Variants in TSGA10 observed in about 807,000 individuals in gnomAD.
TSGA10 encodes testis specific 10, also known as testis-specific gene 10 protein.
Under a neutral mutation model 96.6 loss-of-function variants are expected in TSGA10, and 43 were observed. The ratio of observed to expected loss-of-function variants is 0.44; its 90% CI spans 0.35 to 0.57. The LOEUF is 0.57. Ranked by LOEUF, TSGA10 falls within the 20% of genes least tolerant of loss-of-function variation. The probability of loss-of-function intolerance (pLI) is 0.01; values close to 1 mark genes in which losing one functional copy is unlikely to be tolerated. For missense variants in TSGA10, 703 were observed against 834.4 expected (o/e 0.84, Z 1.94); for synonymous variants, 229 against 269.9 (o/e 0.85, Z 1.48).
chr2:99,047,103 T>G (rs1243924374), intron 16 of TSGA10, among the ~76,000 whole-genome samples: 1 of 152,042 alleles, frequency 6.6e-6, no homozygotes, highest in Non-Finnish European at 1.5e-5. Flanking sequence ...TCAAAAAAAG[T>G]CCAGGACCAG....
intron 5 of TSGA10, 36 bp from the exon 6 acceptor site, chr2:99,109,548 T>C (rs934965304): frequency 1.5e-5 from 22 of 1,450,346 alleles, no homozygotes; most frequent in East Asian, 9.6e-5. Context: ...TTTCAGTATC[T>C]AAAATTATCT....
chr2:99,001,805 C>G (rs1191094988), intron 20 of TSGA10, among the ~76,000 whole-genome samples: 10 of 152,106 alleles, frequency 6.6e-5, no homozygotes. Context: ...CCTGACGGAG[C>G]TAAAAACCAT....
chr2:99,042,235 G>A (rs2082264923), intron 16 of TSGA10, among the ~76,000 whole-genome samples: 1 of 152,102 alleles, frequency 6.6e-6, no homozygotes, highest in African/African-American at 2.4e-5. Context: ...CACAGCCTTT[G>A]TGAGCCAAGA....
intron 1 of TSGA10, among the ~76,000 whole-genome samples, chr2:99,148,681 A>C (rs369564128): frequency 6.6e-5 from 10 of 152,314 alleles, no homozygotes; most frequent in African/African-American, 2.4e-4. Context: ...CATTCTAAAA[A>C]GTGGGTGAGG....
At chr2:99,096,122 A>C (rs1015226385) in intron 10 of TSGA10, among the ~76,000 whole-genome samples, 4 of 152,228 alleles carry the variant, frequency 2.6e-5, no homozygotes, top group African/African-American at 9.6e-5. Flanking sequence ...GTCATTTATA[A>C]GTGTATAGCA....
chr2:99,006,596 T>C (rs1289242618), intron 20 of TSGA10, among the ~76,000 whole-genome samples: 3 of 152,158 alleles, frequency 2.0e-5, no homozygotes, highest in Non-Finnish European at 2.9e-5. Flanking sequence ...CACAATGAGA[T>C]ACCATCTCAC....
intron 11 of TSGA10, among the ~76,000 whole-genome samples, chr2:99,080,938 C>T (rs1379528950): frequency 6.6e-6 from 1 of 151,998 alleles, no homozygotes; most frequent in East Asian, 1.9e-4. Flanking sequence ...CACTTTCCAC[C>T]AAAAGTAATA....
intron 16 of TSGA10, among the ~76,000 whole-genome samples, chr2:99,040,499 TA>T (rs1390919262): frequency 1.3e-5 from 2 of 152,028 alleles, no homozygotes; most frequent in African/African-American, 4.8e-5. Context: ...CAACTCCTTT[TA>T]CAATAGCAAA....
At chr2:99,074,165 ACCATGCC>A (rs755203725) in intron 12 of TSGA10, among the ~76,000 whole-genome samples, 20 of 151,506 alleles carry the variant, frequency 1.3e-4, no homozygotes, top group Non-Finnish European at 2.5e-4. Context: ...GGCATGCGCC[ACCATGCC>A]CAGCTAATTT....
In TSGA10 at chr2:99,065,118, C is replaced by T; in HGVS notation, c.1225G>A (p.Glu409Lys). 1 of 1,611,024 alleles carries T rather than the reference C, an allele frequency of 6.2e-7. No individual in the cohort carries two copies. Among genetic ancestry groups the T allele is most frequent in the Non-Finnish European group, 8.5e-7 (1 of 1,179,244 alleles). Residue 409 changes from glutamate to lysine, a missense_variant, in exon 16 of 21, where the codon GAG (glutamate) becomes AAG (lysine). By Grantham distance (56) the Glu-to-Lys change is moderately conservative (BLOSUM62 1). This residue lies in a region of TSGA10 where 585 missense variants were observed against 656.8 expected (regional missense o/e 0.89). Transcript: ENST00000393483. ...LKNILKSEESENRQMMEQLRK... is the reference protein window; with the variant it reads ...LKNILKSEESKNRQMMEQLRK... ...AGTTGTTCCATCATTTGCCGGTTCT[C>T]AGATTCCTGAAAAGCAAACTTTAGC...
chr2:99,142,462 G>A (rs941026515), intron 1 of TSGA10: 1 of 152,162 alleles, frequency 6.6e-6, no homozygotes, highest in Non-Finnish European at 1.5e-5. Context: ...CTTTTGTGTA[G>A]AACAAATTTA....
At chr2:99,008,324 G>A (rs1573404583) in intron 20 of TSGA10, among the ~76,000 whole-genome samples, 1 of 152,124 alleles carries the variant, frequency 6.6e-6, no homozygotes, top group Non-Finnish European at 1.5e-5. Flanking sequence ...TTTCTGAAAT[G>A]TACTAAAAAT....
chr2:99,083,561 G>A (rs529153440), intron 10 of TSGA10, among the ~76,000 whole-genome samples: 40 of 152,004 alleles, frequency 2.6e-4, no homozygotes, highest in Non-Finnish European at 4.7e-4. Context: ...GCCAAAACCT[G>A]GAAAAAATCA....
At chr2:99,003,010 C>T (rs548355169) in intron 20 of TSGA10, among the ~76,000 whole-genome samples, 1 of 152,234 alleles carries the variant, frequency 6.6e-6, no homozygotes, top group South Asian at 2.1e-4. Flanking sequence ...AGGCAAGTGC[C>T]ACCATGCCCG....
chr2:99,148,881 C>T (rs1206106907), intron 1 of TSGA10, among the ~76,000 whole-genome samples: 2 of 151,064 alleles, frequency 1.3e-5, no homozygotes, highest in Non-Finnish European at 2.9e-5. Context: ...GATGTTTGCA[C>T]AAAAATGTAA....
intron 1 of TSGA10, among the ~76,000 whole-genome samples, chr2:99,128,467 G>A (rs1466133115): frequency 6.6e-6 from 1 of 152,210 alleles, no homozygotes; most frequent in African/African-American, 2.4e-5. Context: ...CACTAGAGCA[G>A]TACTGTTCAA....
At chr2:99,144,965 G>C (rs551911029) in intron 1 of TSGA10, among the ~76,000 whole-genome samples, 2 of 152,206 alleles carry the variant, frequency 1.3e-5, no homozygotes, top group Admixed American at 6.5e-5. Context: ...TGCTACGGCT[G>C]TGCAACAATT....
intron 20 of TSGA10, among the ~76,000 whole-genome samples, chr2:99,006,985 C>T (rs557997438): frequency 7.1e-4 from 108 of 152,192 alleles, no homozygotes; most frequent in Admixed American, 6.9e-3. Flanking sequence ...AGCTTATGTC[C>T]TTTGTAGGGA....
intron 20 of TSGA10, among the ~76,000 whole-genome samples, chr2:99,006,002 A>G (rs1408705316): frequency 6.6e-6 from 1 of 152,202 alleles, no homozygotes; most frequent in African/African-American, 2.4e-5. Context: ...ATCTACAACC[A>G]TCTGATCTTT....
Sources: gnomAD v4.1 joint callset for allele counts (sites outside exome capture counted in the v4.1 genomes callset) on GRCh38, gnomAD v4.1.1 for gene constraint, gnomAD v4.1.1 regional missense constraint, MANE v1.5 for transcripts, NCBI Gene and HGNC (gene_info 2026-07-23, HGNC 2026-07-21) for gene names.